PLCB1: variants seen among roughly 807,000 people sequenced by gnomAD.
PLCB1 encodes the protein phospholipase C beta 1, also known as 1-phosphatidylinositol 4,5-bisphosphate phosphodiesterase beta-1.
In PLCB1, 46 loss-of-function variants were observed where a neutral mutation model predicts 161.8. The ratio of observed to expected loss-of-function variants is 0.28; its 90% CI spans 0.22 to 0.36. The LOEUF (loss-of-function observed/expected upper bound fraction) is 0.36. PLCB1 is among the 10% of genes least tolerant of loss of function. The pLI is 1.00. For synonymous variants in PLCB1, 517 were observed against 503.7 expected (o/e 1.03, Z -0.35); for missense variants, 1,016 against 1,472.5 (o/e 0.69, Z 5.07).
chr20:8,343,767 G>A (rs1483754403), intron 2 of PLCB1, among the ~76,000 whole-genome samples: 1 of 152,104 alleles, frequency 6.6e-6, no homozygotes, highest in Admixed American at 6.6e-5. Context: ...ATTTATCAGT[G>A]ATTTAGAGAA....
intron 2 of PLCB1, among the ~76,000 whole-genome samples, chr20:8,202,226 C>T (rs1003090214): frequency 6.7e-3 from 1 of 150 alleles, no homozygotes; most frequent in South Asian, 0.5. Flanking sequence ...TACAGGCATG[C>T]GCACCATGCC....
At chr20:8,697,296 A>G (rs369940831) in intron 10 of PLCB1, among the ~76,000 whole-genome samples, 1 of 152,208 alleles carries the variant, frequency 6.6e-6, no homozygotes, top group Admixed American at 6.5e-5. Flanking sequence ...TTTTTTTATT[A>G]AATAGTTATG....
chr20:8,510,681 G>A (rs1014701061), intron 3 of PLCB1, among the ~76,000 whole-genome samples: 21 of 152,012 alleles, frequency 1.4e-4, no homozygotes, highest in African/African-American at 4.3e-4. Context: ...GTGAGCCACC[G>A]TGCCCGGCAA....
At chr20:8,353,953 A>T (rs1194516464) in intron 2 of PLCB1, among the ~76,000 whole-genome samples, 1 of 152,044 alleles carries the variant, frequency 6.6e-6, no homozygotes, top group Non-Finnish European at 1.5e-5. Flanking sequence ...TGCCTGTGAC[A>T]TACATGGAAA....
chr20:8,326,426 T>C (rs906213667), intron 2 of PLCB1, among the ~76,000 whole-genome samples: 1 of 152,348 alleles, frequency 6.6e-6, no homozygotes, highest in East Asian at 1.9e-4. Context: ...GGCCAAAGAA[T>C]AGGCGATTTT....
At chr20:8,590,231 C>G (rs1453245485) in intron 3 of PLCB1, among the ~76,000 whole-genome samples, 1 of 152,066 alleles carries the variant, frequency 6.6e-6, no homozygotes, top group African/African-American at 2.4e-5. Flanking sequence ...CCAGAGAGTG[C>G]CAAGGAAATT....
intron 3 of PLCB1, among the ~76,000 whole-genome samples, chr20:8,504,801 C>A (rs1302964469): frequency 6.6e-6 from 1 of 152,116 alleles, no homozygotes; most frequent in East Asian, 1.9e-4. Flanking sequence ...CTAATATTAC[C>A]AATGTGGCAT....
At chr20:8,587,183 T>A (rs60067506) in intron 3 of PLCB1, among the ~76,000 whole-genome samples, 27,242 of 151,346 alleles carry the variant, frequency 0.18, 2,421 homozygotes, top group Middle Eastern at 0.24. Context: ...TTAAAAAATA[T>A]ATATATATAT....
chr20:8,349,614 T>C (rs1986115374), intron 2 of PLCB1, among the ~76,000 whole-genome samples: 1 of 152,212 alleles, frequency 6.6e-6, no homozygotes, highest in South Asian at 2.1e-4. Context: ...AGCAAAAACA[T>C]TTTGTTTTGT....
chr20:8,264,197 A>G (rs909873641), intron 2 of PLCB1, among the ~76,000 whole-genome samples: 2 of 152,098 alleles, frequency 1.3e-5, no homozygotes, highest in Non-Finnish European at 2.9e-5. Context: ...AAACACACAC[A>G]TTAACCTACT....
At chr20:8,373,433 A>G (rs936312223) in intron 3 of PLCB1, among the ~76,000 whole-genome samples, 2 of 152,188 alleles carry the variant, frequency 1.3e-5, no homozygotes, top group South Asian at 4.1e-4. Flanking sequence ...ATTAAATGAA[A>G]TAATTCATTA....
chr20:8,149,967 C>A (rs773111802), intron 1 of PLCB1, among the ~76,000 whole-genome samples: 16 of 151,914 alleles, frequency 1.1e-4, no homozygotes, highest in Non-Finnish European at 2.2e-4. Flanking sequence ...TAATATTAAT[C>A]ATAAAAATAA....
chr20:8,767,516 T>TGA (rs1982387609), intron 26 of PLCB1, among the ~76,000 whole-genome samples: 1 of 152,150 alleles, frequency 6.6e-6, no homozygotes, highest in Non-Finnish European at 1.5e-5. Context: ...GGGCCCTTCT[T>TGA]CAATTGCAAG....
intron 31 of PLCB1, among the ~76,000 whole-genome samples, chr20:8,830,392 T>A (rs977165217): frequency 6.6e-6 from 1 of 152,218 alleles, no homozygotes; most frequent in African/African-American, 2.4e-5. Flanking sequence ...CCAGCTTTTG[T>A]TTTAGCAGAA....
chr20:8,683,867 A>T (rs1330318018), intron 9 of PLCB1, among the ~76,000 whole-genome samples: 1 of 152,132 alleles, frequency 6.6e-6, no homozygotes. Context: ...TTTCAGAGAA[A>T]AATATCATTA....
chr20:8,754,441 T>C (rs1415567000), intron 23 of PLCB1, among the ~76,000 whole-genome samples: 1 of 151,930 alleles, frequency 6.6e-6, no homozygotes, highest in East Asian at 1.9e-4. Context: ...AAGCTGGTTT[T>C]CCCTAACTTC....
intron 10 of PLCB1, among the ~76,000 whole-genome samples, chr20:8,691,633 T>C (rs543665101): frequency 1.3e-5 from 2 of 152,154 alleles, no homozygotes; most frequent in Non-Finnish European, 2.9e-5. Flanking sequence ...ATTTCAATAT[T>C]CAGGATATTT....
intron 2 of PLCB1, among the ~76,000 whole-genome samples, chr20:8,202,528 T>C (rs2123128678): frequency 6.6e-6 from 1 of 152,394 alleles, no homozygotes; most frequent in Admixed American, 6.5e-5. Flanking sequence ...TCTATCTTTC[T>C]GTGGATATTT....
chr20:8,506,881 CATATA>C (rs911060323), intron 3 of PLCB1, among the ~76,000 whole-genome samples: 27 of 152,090 alleles, frequency 1.8e-4, no homozygotes, highest in African/African-American at 6.5e-4. Flanking sequence ...TAGGTCTATT[CATATA>C]ATAAAACTAT....
Sources: gnomAD v4.1 joint callset for allele counts (sites outside exome capture counted in the v4.1 genomes callset) on GRCh38, gnomAD v4.1.1 for gene constraint, MANE v1.5 for transcripts, NCBI Gene and HGNC (gene_info 2026-07-23, HGNC 2026-07-21) for gene names.